SSH2: variants seen among roughly 807,000 people sequenced by gnomAD.
The protein encoded by SSH2 is slingshot protein phosphatase 2.
In SSH2, 37 loss-of-function variants were observed where a neutral mutation model predicts 135.2. That is an observed-to-expected ratio of 0.27 (90% confidence interval 0.21 to 0.36). The LOEUF is 0.36. Ranked by LOEUF, SSH2 falls within the 10% of genes least tolerant of loss-of-function variation. SSH2 has a pLI of 1.00. For synonymous variants in SSH2, 628 were observed against 646.2 expected, an observed-to-expected ratio of 0.97 and a Z score of 0.43; for missense variants, 1,408 against 1,765.3, an observed-to-expected ratio of 0.80 and a Z score of 3.63.
At chr17:29,857,243 C>A (rs1205595004) in intron 1 of SSH2, among the ~76,000 whole-genome samples, 1 of 152,210 alleles carries the variant, frequency 6.6e-6, no homozygotes, top group Non-Finnish European at 1.5e-5. Flanking sequence ...GGAAGCCTCA[C>A]AATCATGGCA....
At chr17:29,808,066 C>T (rs1223485793) in intron 2 of SSH2, among the ~76,000 whole-genome samples, 1 of 152,158 alleles carries the variant, frequency 6.6e-6, no homozygotes, top group African/African-American at 2.4e-5. Flanking sequence ...CAAACTTGGA[C>T]AGAGTCTTTA....
rs373379041 is a variant in SSH2 at position 29,696,208 on chromosome 17, C to CACACACACACAT, written c.293-686_293-685insATGTGTGTGTGT. Among the ~76,000 whole-genome samples, 626 of 140,824 alleles carry CACACACACACAT rather than the reference C, an allele frequency of 4.4e-3. 5 individuals are homozygous for CACACACACACAT. Among genetic ancestry groups the CACACACACACAT allele is most frequent in the African/African-American group, 0.015 (577 of 38,462 alleles). 92.4% of individuals were successfully genotyped at this position (140,824 alleles called of 152,430 possible). A position where few individuals can be genotyped will look rare whatever the true frequency, so the allele number is the denominator to read the frequency against. On this transcript the variant is annotated intron_variant, in intron 4 of 15. Transcript: ENST00000540801. ...ACACACACACACACACACACACACACATATGTATATACGTATACATATACA... is the reference window on the plus strand; with the variant it reads ...ACACACACACACACACACACACACACACACACACACATATATGTATATACGTATACATATACA...
At chr17:29,922,607 C>T (rs1331265768) in intron 1 of SSH2, among the ~76,000 whole-genome samples, 1 of 151,914 alleles carries the variant, frequency 6.6e-6, no homozygotes, top group Non-Finnish European at 1.5e-5. Flanking sequence ...CAAATCAAAC[C>T]AACTAGGTAC....
At chr17:29,791,545 C>G (rs1057246427) in intron 3 of SSH2, among the ~76,000 whole-genome samples, 1 of 152,168 alleles carries the variant, frequency 6.6e-6, no homozygotes, top group African/African-American at 2.4e-5. Context: ...TGATTCAATG[C>G]TGGTTTATTC....
rs1303202202 is a variant in SSH2, at chr17:29,648,434, G to C, written c.1227-90C>G. 7.8e-6 allele frequency: 8 copies of C among 1,030,140 alleles called. No individual in the cohort carries two copies. The African/African-American group carries it at 1.1e-4, about 15-fold the overall frequency. The allele number at this position is 1,030,140 out of a possible 1,614,324, so 63.8% of individuals were successfully genotyped here. ...GTTTCTAGATTTTTCCAAGTGTCCTGTCCTGCTCTTCCATTTTCTTGCTAT... is the reference window on the plus strand; with the variant it reads ...GTTTCTAGATTTTTCCAAGTGTCCTCTCCTGCTCTTCCATTTTCTTGCTAT... On this transcript the variant is annotated intron_variant, in intron 13 of 15. Coordinates refer to ENST00000540801, the MANE Select transcript of SSH2 (RefSeq NM_001282129.2).
intron 4 of SSH2, among the ~76,000 whole-genome samples, chr17:29,696,932 C>T (rs963014859): frequency 1.3e-5 from 2 of 152,008 alleles, no homozygotes; most frequent in African/African-American, 4.8e-5. Flanking sequence ...GATCCGCCTG[C>T]CTCGGCCTCC....
At chr17:29,738,528 ATTTTCTTTTT>A (rs1391842969) in intron 3 of SSH2, among the ~76,000 whole-genome samples, 2 of 145,536 alleles carry the variant, frequency 1.4e-5, no homozygotes, top group Admixed American at 6.7e-5. Flanking sequence ...CTGAGGCTTA[ATTTTCTTTTT>A]TTTTCTTTTT....
At chr17:29,750,565 T>C (rs956256563) in intron 3 of SSH2, among the ~76,000 whole-genome samples, 1 of 152,048 alleles carries the variant, frequency 6.6e-6, no homozygotes, top group Admixed American at 6.5e-5. Context: ...ATCTCCTCTG[T>C]TGCCCAGGCT....
chr17:29,665,108 T>C (rs974570750), intron 11 of SSH2, among the ~76,000 whole-genome samples: 37 of 152,198 alleles, frequency 2.4e-4, no homozygotes, highest in African/African-American at 8.9e-4. Context: ...GAGGGCCCCA[T>C]AGAACGAGTG....
At chr17:29,767,537 T>C (rs1464348678) in intron 3 of SSH2, among the ~76,000 whole-genome samples, 1 of 151,900 alleles carries the variant, frequency 6.6e-6, no homozygotes, top group Admixed American at 6.6e-5. Flanking sequence ...CTCCCAGAGA[T>C]GATTGTTATT....
At chr17:29,747,471 T>A (rs530583083) in intron 3 of SSH2, among the ~76,000 whole-genome samples, 1 of 152,152 alleles carries the variant, frequency 6.6e-6, no homozygotes, top group Non-Finnish European at 1.5e-5. Context: ...GCAAAAAGGG[T>A]GAGCCCAGAT....
intron 9 of SSH2, among the ~76,000 whole-genome samples, chr17:29,669,372 C>A (rs1013487068): frequency 1.3e-5 from 2 of 152,176 alleles, no homozygotes; most frequent in Admixed American, 1.3e-4. Context: ...TATGTATATT[C>A]CCTTCTTCCT....
intron 11 of SSH2, among the ~76,000 whole-genome samples, chr17:29,665,294 G>C (rs951947527): frequency 2.0e-5 from 3 of 152,142 alleles, no homozygotes; most frequent in African/African-American, 4.8e-5. Context: ...AACACATACT[G>C]GTCAGTTAAA....
At chr17:29,651,724 C>T (rs2036584889) in intron 12 of SSH2, among the ~76,000 whole-genome samples, 1 of 152,194 alleles carries the variant, frequency 6.6e-6, no homozygotes, top group African/African-American at 2.4e-5. Context: ...AAAAAGAAAG[C>T]AGCCATAGCT....
At chr17:29,651,986 T>C (rs560413370) in intron 12 of SSH2, among the ~76,000 whole-genome samples, 8 of 152,200 alleles carry the variant, frequency 5.3e-5, no homozygotes, top group African/African-American at 1.9e-4. Context: ...CTACTAAAAA[T>C]ACAAAATTAG....
chr17:29,672,047 C>A lies in SSH2; in HGVS notation c.697G>T (p.Val233Leu), dbSNP rs957610027. ...TTGATATGGCTCTCATAATAACTCACCCAAGTGAGAAATAGGCTGCCTGGG... is the reference window on the plus strand; with the variant it reads ...TTGATATGGCTCTCATAATAACTCAACCAAGTGAGAAATAGGCTGCCTGGG... The part of the protein sequence containing the change: ...YYPGSLFLTW[V>L]SYYESHINSD... The change falls in exon 9 of 16, where the codon GTG (valine) becomes TTG (leucine). Residue 233 changes from valine to leucine, a missense_variant. By Grantham distance (32) the Val-to-Leu change is conservative. Coordinates refer to ENST00000540801, the MANE Select transcript of SSH2 (RefSeq NM_001282129.2). 3 of 1,614,124 alleles carry A rather than the reference C, an allele frequency of 1.9e-6. No individual in the cohort carries two copies. The highest frequency in any genetic ancestry group is 1.7e-5 in the Admixed American group (1 of 60,012).
At chr17:29,717,715 C>T (rs1472227749) in intron 3 of SSH2, among the ~76,000 whole-genome samples, 1 of 152,148 alleles carries the variant, frequency 6.6e-6, no homozygotes, top group Non-Finnish European at 1.5e-5. Context: ...GGCAGCCATG[C>T]AGCTGTTTGG....
At chr17:29,695,209 T>C (rs1259806412) in intron 5 of SSH2, among the ~76,000 whole-genome samples, 2 of 152,212 alleles carry the variant, frequency 1.3e-5, no homozygotes, top group Admixed American at 6.5e-5. Context: ...TAAATCTTCC[T>C]AATCTAGGTC....
Position 29,900,154 on chromosome 17 carries a change from T to A in SSH2, c.63+29784A>T, listed in dbSNP as rs185814840. On this transcript the variant is annotated intron_variant, in intron 1 of 15. Coordinates refer to ENST00000540801, the MANE Select transcript of SSH2 (RefSeq NM_001282129.2). Reference sequence around the variant, plus strand: ...GTTCAAGATGGATTAAATACTTATATGTTAGACCTAAAACCATAAAAACCG... The same window carrying A: ...GTTCAAGATGGATTAAATACTTATAAGTTAGACCTAAAACCATAAAAACCG... 3.3e-5 allele frequency among the ~76,000 whole-genome samples: 5 copies of A among 152,294 alleles called. No homozygotes were observed. In the East Asian group the frequency reaches 9.6e-4, roughly 29 times the overall value.
Sources: allele counts gnomAD v4.1 joint callset (sites outside exome capture counted in the v4.1 genomes callset), GRCh38; gene constraint gnomAD v4.1.1; transcripts MANE v1.5; gene names NCBI Gene and HGNC (gene_info 2026-07-23, HGNC 2026-07-21).